Variants in ACVR1B observed in about 807,000 individuals in gnomAD.
The protein encoded by ACVR1B is activin A receptor type 1B, also known as activin receptor type-1B.
A neutral mutation model predicts 55.6 loss-of-function variants in ACVR1B; 15 were observed. That is an observed-to-expected ratio of 0.27 (90% CI 0.18 to 0.42). The LOEUF (loss-of-function observed/expected upper bound fraction) is 0.42, where lower values mean the gene tolerates loss of function less well. Among genes scored for constraint, ACVR1B ranks in the 10% least tolerant of loss-of-function variants. The pLI is 1.00. For missense variants in ACVR1B, 359 were observed against 670.1 expected, an observed-to-expected ratio of 0.54 and a Z score of 5.13; for synonymous variants, 247 against 254.6, an observed-to-expected ratio of 0.97 and a Z score of 0.28.
intron 1 of ACVR1B, among the ~76,000 whole-genome samples, chr12:51,973,060 T>G (rs1462505569): frequency 6.6e-6 from 1 of 152,218 alleles, no homozygotes; most frequent in African/African-American, 2.4e-5. Context: ...CAAGATTGTT[T>G]AAGTACTTCC....
intron 1 of ACVR1B, chr12:51,953,392 A>G (rs896713291): frequency 2.0e-6 from 2 of 985,246 alleles, no homozygotes; most frequent in African/African-American, 3.5e-5. Context: ...TGCTTCTCCT[A>G]AGCACCTCGT....
chr12:51,994,028 C>T lies in ACVR1B; in HGVS notation c.1436C>T (p.Ala479Val), dbSNP rs2120772435. 6.2e-7 allele frequency: 1 copy of T among 1,614,126 alleles called. No individual in the cohort carries two copies. The highest frequency in any genetic ancestry group is 8.5e-7 in the Non-Finnish European group (1 of 1,180,042). Residue 479 changes from alanine to valine, a missense_variant, in exon 9 of 9, where the codon GCC becomes GTC. Coordinates refer to ENST00000257963, the MANE Select transcript of ACVR1B (RefSeq NM_004302.5). The surrounding 1 kb of genome is among the most constrained non-coding windows in gnomAD (Gnocchi z 4.2). ...MGKMMRECWY[A>V]NGAARLTALR... ...AAGATGATGCGAGAGTGTTGGTATGCCAACGGCGCAGCCCGCCTGACGGCC... is the reference window on the plus strand; with the variant it reads ...AAGATGATGCGAGAGTGTTGGTATGTCAACGGCGCAGCCCGCCTGACGGCC...
intron 1 of ACVR1B, among the ~76,000 whole-genome samples, chr12:51,958,877 G>A (rs1320166446): frequency 6.6e-6 from 1 of 152,196 alleles, no homozygotes; most frequent in African/African-American, 2.4e-5. Flanking sequence ...GTACCGGTCT[G>A]TGGCCCCAGG....
intron 1 of ACVR1B, among the ~76,000 whole-genome samples, chr12:51,962,892 C>G (rs1327520772): frequency 6.6e-6 from 1 of 152,170 alleles, no homozygotes; most frequent in Admixed American, 6.5e-5. Context: ...GTTTATTGAG[C>G]ACAGTGCTAT....
At chr12:51,966,528 A>G (rs1373087131) in intron 1 of ACVR1B, among the ~76,000 whole-genome samples, 2 of 152,210 alleles carry the variant, frequency 1.3e-5, no homozygotes, top group Non-Finnish European at 2.9e-5. Context: ...AGCTCACTTC[A>G]GCTTCAGTCT....
At chr12:51,973,593 T>C (rs1348126613) in intron 1 of ACVR1B, among the ~76,000 whole-genome samples, 7 of 152,226 alleles carry the variant, frequency 4.6e-5, no homozygotes, top group African/African-American at 1.7e-4. Flanking sequence ...TTTTTGTGTC[T>C]AAATGGGTTA....
Position 51,951,765 on chromosome 12 carries a change from T to G in ACVR1B, c.22T>G (p.Ser8Ala), listed in dbSNP as rs763520082. 2.1e-5 allele frequency: 27 copies of G among 1,289,270 alleles called. No homozygotes were observed. The highest frequency in any genetic ancestry group is 2.4e-4 in the Middle Eastern group (1 of 4,162). 79.9% of individuals were successfully genotyped at this position (1,289,270 alleles called of 1,614,324 possible). A position where few individuals can be genotyped will look rare whatever the true frequency, so the allele number is the denominator to read the frequency against. The change falls in exon 1 of 9, where the codon TCC becomes GCC. Residue 8 changes from serine to alanine, a missense_variant. Ser to Ala is a moderately conservative substitution (Grantham distance 99). This residue lies in a region of ACVR1B where 48 missense variants were observed against 40.6 expected (regional missense o/e 1.18). Transcript: ENST00000257963. ...TACTATGGCGGAGTCGGCCGGAGCC[T>G]CCTCCTTCTTCCCCCTTGTTGTCCT... Reference protein sequence around the residue: MAESAGASSFFPLVVLLL... With the variant: MAESAGAASFFPLVVLLL...
intron 7 of ACVR1B, 126 bp from the exon 8 acceptor site, chr12:51,991,737 A>G (rs1433492716): frequency 2.9e-6 from 3 of 1,050,588 alleles, no homozygotes; most frequent in Non-Finnish European, 4.1e-6. Context: ...CTTAGAATTA[A>G]CTAACTTTCT....
intron 4 of ACVR1B, among the ~76,000 whole-genome samples, 197 bp from the exon 5 acceptor site, chr12:51,983,802 T>G (rs994904922): frequency 2.0e-5 from 3 of 152,212 alleles, no homozygotes; most frequent in African/African-American, 7.2e-5. Flanking sequence ...GGTGTTCCCC[T>G]GTCCTTACTG....
intron 1 of ACVR1B, among the ~76,000 whole-genome samples, chr12:51,956,532 C>CATA (rs1941411237): frequency 6.6e-6 from 1 of 152,136 alleles, no homozygotes; most frequent in Non-Finnish European, 1.5e-5. Flanking sequence ...GGATGCTGTG[C>CATA]CATAGTGTGC....
In ACVR1B at chr12:51,995,429, C is replaced by T. The variant is rs1425492892; in HGVS notation, c.*1319C>T. The T allele has an allele frequency of 6.6e-6, 1 of 152,308 alleles. No individual in the cohort carries two copies. Among genetic ancestry groups the T allele is most frequent in the Non-Finnish European group, 1.5e-5 (1 of 68,006 alleles). The allele number at this position is 152,308 out of a possible 1,614,324, so 9.4% of individuals were successfully genotyped here. ...CCCTACTGAAGGGAACAGCCTGAGC[C>T]GAACATGTTATTTAACCTGAGTATA... On this transcript the variant is annotated 3_prime_UTR_variant, in exon 9 of 9. Transcript: ENST00000257963.
chr12:51,983,851 C>G (rs1423692831), intron 4 of ACVR1B, 148 bp from the exon 5 acceptor site: 8 of 742,230 alleles, frequency 1.1e-5, no homozygotes, highest in Non-Finnish European at 1.8e-5. Context: ...TGAAAGGATG[C>G]TAGATGGGGC....
rs1425551425 is a variant in ACVR1B, at chr12:51,951,822, CG to C, written c.85del (p.Val29SerfsTer57). On this transcript the variant is annotated frameshift_variant, in exon 1 of 9. Coordinates refer to ENST00000257963, the MANE Select transcript of ACVR1B (RefSeq NM_004302.5). LOFTEE classifies it high-confidence loss of function. ...LLAGSGGSGPRGVQALLCACT... is the reference protein window; with the variant it reads ...LLAGSGGSGPXGVQALLCACT... The stretch of plus-strand genomic sequence containing the variant: ...CGCCGGCAGCGGCGGGTCCGGGCCC[CG>C]GGGGGTCCAGGGTGAGTCCTGGGAC... 3.9e-6 allele frequency: 5 copies of C among 1,276,746 alleles called. No individual in the cohort carries two copies. The highest frequency in any genetic ancestry group is 2.4e-4 in the Middle Eastern group (1 of 4,144). The allele number at this position is 1,276,746 out of a possible 1,614,324, so 79.1% of individuals were successfully genotyped here. A position where few individuals can be genotyped will look rare whatever the true frequency, so the allele number is the denominator to read the frequency against.
intron 1 of ACVR1B, among the ~76,000 whole-genome samples, chr12:51,952,101 C>A (rs1941309663): frequency 6.6e-6 from 1 of 152,096 alleles, no homozygotes; most frequent in Non-Finnish European, 1.5e-5. Flanking sequence ...TCTCAGGGGT[C>A]GCGCTCCCAG....
intron 1 of ACVR1B, among the ~76,000 whole-genome samples, chr12:51,972,946 C>G (rs1941773523): frequency 6.6e-6 from 1 of 152,126 alleles, no homozygotes; most frequent in Non-Finnish European, 1.5e-5. Context: ...GGCTCAGGGA[C>G]TCACCCAGCG....
chr12:51,986,674 A>C, intron 6 of ACVR1B, 144 bp from the exon 7 acceptor site: 12 of 1,121,236 alleles, frequency 1.1e-5, no homozygotes, highest in Non-Finnish European at 1.4e-5. Flanking sequence ...TTTGCAATGA[A>C]GAGATGTGTA....
intron 4 of ACVR1B, among the ~76,000 whole-genome samples, chr12:51,983,346 T>G (rs12296434): frequency 0.021 from 3,145 of 152,312 alleles, 37 homozygotes; most frequent in African/African-American, 0.046. Flanking sequence ...CTCTGAAGGA[T>G]GAGATGCCTT....
intron 1 of ACVR1B, among the ~76,000 whole-genome samples, chr12:51,954,527 A>G (rs989849777): frequency 5.3e-5 from 8 of 152,244 alleles, no homozygotes; most frequent in African/African-American, 1.4e-4. Flanking sequence ...TTTTAAGTAC[A>G]GTGGAAGTGC....
intron 1 of ACVR1B, among the ~76,000 whole-genome samples, chr12:51,974,904 C>G (rs1051873623): frequency 6.6e-6 from 1 of 152,154 alleles, no homozygotes; most frequent in African/African-American, 2.4e-5. Context: ...GGAGATAGGG[C>G]TGGTGATAGC....
Sources: gnomAD v4.1 joint callset for allele counts (sites outside exome capture counted in the v4.1 genomes callset) on GRCh38, gnomAD v4.1.1 for gene constraint, gnomAD v4.1.1 regional missense constraint, Gnocchi (gnomAD v3.1) non-coding constraint, MANE v1.5 for transcripts, NCBI Gene and HGNC (gene_info 2026-07-23, HGNC 2026-07-21) for gene names.